QRICH2: variants seen among roughly 807,000 people sequenced by gnomAD.
QRICH2 encodes the protein glutamine-rich protein 2.
A neutral mutation model predicts 168.3 loss-of-function variants in QRICH2; 119 were observed. That is an observed-to-expected ratio of 0.71 (90% confidence interval 0.61 to 0.82). The LOEUF (loss-of-function observed/expected upper bound fraction) is 0.82. Among genes scored for constraint, QRICH2 ranks in the 40% least tolerant of loss-of-function variants. The probability of loss-of-function intolerance (pLI) is 0.00; values close to 1 mark genes in which losing one functional copy is unlikely to be tolerated. For missense variants in QRICH2, 2,241 were observed against 2,491.6 expected (o/e 0.90, Z 2.14); for synonymous variants, 894 against 951.2 (o/e 0.94, Z 1.11).
chr17:76,276,034 G>C, intron 17 of QRICH2, 87 bp from the exon 18 acceptor site: 1 of 1,517,930 alleles, frequency 6.6e-7, no homozygotes, highest in African/African-American at 1.4e-5. Flanking sequence ...AGGGCCGCAG[G>C]GCTGCTGGTC....
intron 18 of QRICH2, 127 bp downstream of exon 18, chr17:76,275,692 C>A (rs1201444577): frequency 6.4e-6 from 8 of 1,243,138 alleles, no homozygotes; most frequent in Non-Finnish European, 7.6e-6. Flanking sequence ...TTTTCCACAC[C>A]CATCCCCCCC....
intron 2 of QRICH2, 70 bp downstream of exon 2, chr17:76,304,812 G>A: frequency 9.0e-7 from 1 of 1,110,030 alleles, no homozygotes; most frequent in East Asian, 2.3e-5. Context: ...ACAAGCCCTG[G>A]AGAGAGGGCC....
rs142102214 is a variant in QRICH2 at position 76,276,703 on chromosome 17, A to G, written c.5330T>C (p.Leu1777Pro). 9 of 1,613,786 alleles carry G rather than the reference A, an allele frequency of 5.6e-6. No individual in the cohort carries two copies. The highest frequency in any genetic ancestry group is 1.3e-5 in the African/African-American group (1 of 74,952). The change falls in exon 17 of 19, where the codon CTG (leucine) becomes CCG (proline). Residue 1777 changes from leucine to proline, a missense_variant. Transcript: ENST00000680821. The stretch of plus-strand genomic sequence containing the variant: ...ACTGTCTTTTCGGAGGATGCCTGGC[A>G]GCCTTGTGTCCATCCGTCCCTTGTA... Reference protein sequence around the residue: ...HIYKGRMDTRLPGILRKDSSG... With the variant: ...HIYKGRMDTRPPGILRKDSSG...
chr17:76,297,870 G>GTTT (rs1169251679), intron 3 of QRICH2, among the ~76,000 whole-genome samples: 15 of 79,492 alleles, frequency 1.9e-4, no homozygotes, highest in Non-Finnish European at 2.8e-4. Context: ...TTAGGAATCT[G>GTTT]TTTTTTTTTT....
At position 76,291,234 on chromosome 17, in the gene QRICH2, A is replaced by G; in HGVS notation, c.3493T>C (p.Leu1165=). The change falls in exon 4 of 19, where the codon TTA becomes CTA. Residue 1165 remains leucine (L), a synonymous_variant. Transcript: ENST00000680821. ...FRSPDSVDRV[L]SEGSEVSSEV... is the part of the protein sequence containing the mutation. ...CTCGAGACTTCGCTCCCTTCTGATAAGACTCGGTCGACGGAGTCTGGACTC... is the reference window on the plus strand; with the variant it reads ...CTCGAGACTTCGCTCCCTTCTGATAGGACTCGGTCGACGGAGTCTGGACTC... 6.2e-7 allele frequency: 1 copy of G among 1,614,180 alleles called. No homozygotes were observed. The highest frequency in any genetic ancestry group is 1.1e-5 in the South Asian group (1 of 91,084).
chr17:76,280,421 C>T lies in QRICH2; in HGVS notation c.4492G>A (p.Val1498Met), dbSNP rs939343964. Reference sequence around the variant, plus strand: ...GTGGCATCAAACTGGACACGGCTCACTTTGGTGGCCAGAGCACTCTTGTCG... The same window carrying T: ...GTGGCATCAAACTGGACACGGCTCATTTTGGTGGCCAGAGCACTCTTGTCG... ...KADKSALATK[V>M]SRVQFDATTE... is the part of the protein sequence containing the mutation. The change falls in exon 11 of 19, where the codon GTG (valine) becomes ATG (methionine). Residue 1498 changes from valine to methionine, a missense_variant. Physicochemically the swap from Val to Met is conservative, Grantham distance 21. Coordinates refer to ENST00000680821, the MANE Select transcript of QRICH2 (RefSeq NM_001388453.1). This position sits in a 1 kb window ranked among gnomAD's most constrained non-coding sequence, Gnocchi z 7.4. The T allele has an allele frequency of 2.5e-6, 4 of 1,614,168 alleles. No individual in the cohort carries two copies. Among genetic ancestry groups the T allele is most frequent in the Non-Finnish European group, 3.4e-6 (4 of 1,180,026 alleles).
Position 76,307,298 on chromosome 17 carries a change from G to A in QRICH2, c.534+167C>T, listed in dbSNP as rs73996309. Reference sequence around the variant, plus strand: ...CCCCGTGGACTGCAAGGTAGAGCATGGGCCACTCTATTTAGCCAGTCGCAC... The same window carrying A: ...CCCCGTGGACTGCAAGGTAGAGCATAGGCCACTCTATTTAGCCAGTCGCAC... On this transcript the variant is annotated intron_variant, in intron 1 of 18. Transcript: ENST00000680821. The surrounding 1 kb of genome is among the most constrained non-coding windows in gnomAD (Gnocchi z 5.3). Among the ~76,000 whole-genome samples, 11,122 of 152,020 alleles carry A rather than the reference G, an allele frequency of 0.073. 740 individuals are homozygous for A. The highest frequency in any genetic ancestry group is 0.18 in the African/African-American group (7,371 of 41,428).
At chr17:76,276,419 C>T (rs2143113304) in intron 17 of QRICH2, among the ~76,000 whole-genome samples, 1 of 152,310 alleles carries the variant, frequency 6.6e-6, no homozygotes, top group East Asian at 1.9e-4. Flanking sequence ...GACAGGAGAG[C>T]CCAGCAGTGC....
At chr17:76,282,947 C>T (rs1482175491) in intron 7 of QRICH2, among the ~76,000 whole-genome samples, 1 of 152,122 alleles carries the variant, frequency 6.6e-6, no homozygotes, top group Non-Finnish European at 1.5e-5. Context: ...GGGAGAGTGA[C>T]GTGGGGGCTG....
Position 76,293,876 on chromosome 17 carries a change from G to A in QRICH2, c.851C>T (p.Thr284Ile), listed in dbSNP as rs373116188. The A allele has an allele frequency of 1.2e-6, 2 of 1,614,034 alleles. No homozygotes were observed. The highest frequency in any genetic ancestry group is 1.7e-5 in the Admixed American group (1 of 59,984). Residue 284 changes from threonine (T) to isoleucine (I), a missense_variant, in exon 4 of 19, where the codon ACT (threonine) becomes ATT (isoleucine). This residue lies in a region of QRICH2 where 2,047 missense variants were observed against 2,303.8 expected (regional missense o/e 0.89). Transcript: ENST00000680821. Reference sequence around the variant, plus strand: ...TGCTGTGCCACCAGATCCTGATGCAGTCCGATCCGGGCCAAGACCACTGGC... The same window carrying A: ...TGCTGTGCCACCAGATCCTGATGCAATCCGATCCGGGCCAAGACCACTGGC... The part of the protein sequence containing the change: ...DSASGLGPDR[T>I]ASGSGGTAHP...
Position 76,293,943 on chromosome 17 carries a change from C to T in QRICH2, c.784G>A (p.Asp262Asn). The T allele has an allele frequency of 6.2e-7, 1 of 1,614,152 alleles. No individual in the cohort carries two copies. Among genetic ancestry groups the T allele is most frequent in the Non-Finnish European group, 8.5e-7 (1 of 1,180,018 alleles). ...TCAATACTTGGTTGCTTGGTAGAGTCTCCGCTTAGAGTCCCTTCAGGTGAT... is the reference window on the plus strand; with the variant it reads ...TCAATACTTGGTTGCTTGGTAGAGTTTCCGCTTAGAGTCCCTTCAGGTGAT... ...LTSPEGTLSG[D>N]STKQPSIEQA... Residue 262 changes from aspartate (D) to asparagine (N), a missense_variant, in exon 4 of 19, where the codon GAC (aspartate) becomes AAC (asparagine). Physicochemically the swap from Asp to Asn is conservative, Grantham distance 23. This residue lies in a region of QRICH2 where 2,047 missense variants were observed against 2,303.8 expected (regional missense o/e 0.89). Coordinates refer to ENST00000680821, the MANE Select transcript of QRICH2 (RefSeq NM_001388453.1).
intron 1 of QRICH2, among the ~76,000 whole-genome samples, chr17:76,305,272 T>A (rs2070974475): frequency 6.7e-6 from 1 of 149,960 alleles, no homozygotes. Flanking sequence ...CAAGCGATCC[T>A]CCCACCTCAG....
chr17:76,287,106 T>G, intron 7 of QRICH2, 86 bp downstream of exon 7: 2 of 729,984 alleles, frequency 2.7e-6, no homozygotes, highest in South Asian at 1.4e-5. Context: ...AGGGACCTAG[T>G]TTTTGATGAG....
chr17:76,288,310 G>A (rs1788275635), intron 5 of QRICH2, among the ~76,000 whole-genome samples: 1 of 148,810 alleles, frequency 6.7e-6, no homozygotes, highest in African/African-American at 2.5e-5. Context: ...TTTGAACCTA[G>A]GAGGCAGAGG....
chr17:76,288,030 C>G, intron 5 of QRICH2, 133 bp from the exon 6 acceptor site: 1 of 672,588 alleles, frequency 1.5e-6, no homozygotes, highest in East Asian at 2.7e-5. Flanking sequence ...AAGCCAGGAG[C>G]CCTTGTGGAC....
intron 3 of QRICH2, among the ~76,000 whole-genome samples, chr17:76,301,198 C>G (rs915073046): frequency 6.6e-6 from 1 of 152,056 alleles, no homozygotes; most frequent in Admixed American, 6.6e-5. Context: ...GCCTGGGCAG[C>G]AGAGCAAGAC....
At chr17:76,304,078 A>C (rs346789) in intron 3 of QRICH2, among the ~76,000 whole-genome samples, 45,177 of 151,824 alleles carry the variant, frequency 0.3, 9,968 homozygotes, top group African/African-American at 0.63. Context: ...TGGCAAAGCT[A>C]AAAAAATTGG....
At chr17:76,294,812 C>CAAAA (rs35491289) in intron 3 of QRICH2, among the ~76,000 whole-genome samples, 1 of 104,114 alleles carries the variant, frequency 9.6e-6, no homozygotes, top group Admixed American at 1.0e-4. Context: ...GACTCCTTCT[C>CAAAA]AAAAAAAAAA....
At chr17:76,283,846 C>A (rs1224603715) in intron 7 of QRICH2, among the ~76,000 whole-genome samples, 2 of 136,422 alleles carry the variant, frequency 1.5e-5, no homozygotes, top group Non-Finnish European at 3.0e-5. Context: ...TGGACTCCAG[C>A]CTGGGCAACA....
Sources: allele counts gnomAD v4.1 joint callset (sites outside exome capture counted in the v4.1 genomes callset), GRCh38; gene constraint gnomAD v4.1.1; regional missense constraint gnomAD v4.1.1; non-coding constraint Gnocchi (gnomAD v3.1); transcripts MANE v1.5; gene names NCBI Gene and HGNC (gene_info 2026-07-23, HGNC 2026-07-21).